IQSEC1: variants seen among roughly 807,000 people sequenced by gnomAD.
IQSEC1 encodes IQ motif and Sec7 domain ArfGEF 1.
IQSEC1 carries 31 observed loss-of-function variants against 91.0 expected under a neutral mutation model. The ratio of observed to expected loss-of-function variants is 0.34; its 90% CI spans 0.26 to 0.46. The LOEUF is 0.46. Among genes scored for constraint, IQSEC1 ranks in the 20% least tolerant of loss-of-function variants. The pLI, the probability that IQSEC1 is intolerant of heterozygous loss-of-function variation, is 1.00. For synonymous variants in IQSEC1, 699 were observed against 662.6 expected (o/e 1.05, Z -0.84); for missense variants, 1,388 against 1,575.6 (o/e 0.88, Z 2.02).
chr3:13,174,235 C>T (rs918347059), intron 1 of IQSEC1, among the ~76,000 whole-genome samples: 3 of 152,162 alleles, frequency 2.0e-5, no homozygotes, highest in East Asian at 1.9e-4. Flanking sequence ...ATACTGGGAG[C>T]GCAGCCACTG....
intron 2 of IQSEC1, among the ~76,000 whole-genome samples, chr3:13,105,595 T>C (rs564853443): frequency 8.6e-5 from 13 of 151,876 alleles, no homozygotes; most frequent in African/African-American, 2.9e-4. Flanking sequence ...ACACACACAC[T>C]CTCCTTCCCT....
At chr3:13,205,740 A>ACCCATCCATCTCCCCTCCACCT (rs1694332292) in intron 1 of IQSEC1, among the ~76,000 whole-genome samples, 2 of 139,506 alleles carry the variant, frequency 1.4e-5, no homozygotes, top group African/African-American at 5.5e-5. Context: ...CCCTTCATCC[A>ACCCATCCATCTCCCCTCCACCT]CCCATCCATC....
intron 1 of IQSEC1, among the ~76,000 whole-genome samples, chr3:13,272,760 T>G (rs1695611088): frequency 6.6e-6 from 1 of 152,222 alleles, no homozygotes; most frequent in African/African-American, 2.4e-5. Flanking sequence ...GCTCCTCCTT[T>G]TTTGTCGGGG....
In IQSEC1 at chr3:12,901,215, G is replaced by A. The variant is rs1238929831; in HGVS notation, c.3113C>T (p.Pro1038Leu). The change falls in exon 14 of 14, where the codon CCC becomes CTC. Residue 1038 changes from proline (P) to leucine (L), a missense_variant. Pro to Leu is a moderately conservative substitution (Grantham distance 98, BLOSUM62 -3). Coordinates refer to ENST00000613206, the MANE Select transcript of IQSEC1 (RefSeq NM_001134382.3). The part of the protein sequence containing the change: ...HTQYCHMQNP[P>L]PYHHHHHHHP... ...GTGGTGGTGGTGATGGTGGTACGGG[G>A]GAGGGTTCTGCATGTGGCAGTACTG... The A allele has an allele frequency of 5.2e-6, 8 of 1,547,530 alleles. No homozygotes were observed. The highest frequency in any genetic ancestry group is 7.0e-6 in the Non-Finnish European group (8 of 1,145,736).
At chr3:13,168,714 C>T (rs1001178390) in intron 1 of IQSEC1, among the ~76,000 whole-genome samples, 5 of 152,176 alleles carry the variant, frequency 3.3e-5, no homozygotes, top group South Asian at 2.1e-4. Context: ...ATTGCTGTTC[C>T]GTCTTCCTGG....
At chr3:12,912,143 G>A (rs947102063) in intron 9 of IQSEC1, among the ~76,000 whole-genome samples, 1 of 152,220 alleles carries the variant, frequency 6.6e-6, no homozygotes, top group African/African-American at 2.4e-5. Context: ...GCCTGGTGAT[G>A]GCCTGCAGGG....
intron 2 of IQSEC1, among the ~76,000 whole-genome samples, chr3:13,143,945 G>A (rs531170920): frequency 8.7e-4 from 133 of 152,234 alleles, no homozygotes; most frequent in Middle Eastern, 3.4e-3. Flanking sequence ...TTCTGTCCCC[G>A]GTAGAGGGTT....
intron 2 of IQSEC1, among the ~76,000 whole-genome samples, chr3:13,128,179 T>C (rs1407690619): frequency 1.3e-5 from 2 of 152,260 alleles, no homozygotes; most frequent in African/African-American, 2.4e-5. Context: ...CTTACCGCTC[T>C]GTCTAGAAGT....
intron 1 of IQSEC1, among the ~76,000 whole-genome samples, chr3:13,212,498 C>T (rs1306544711): frequency 1.3e-5 from 2 of 152,178 alleles, no homozygotes; most frequent in Non-Finnish European, 2.9e-5. Flanking sequence ...AGGATGAATT[C>T]TGTAGGTTTT....
intron 1 of IQSEC1, among the ~76,000 whole-genome samples, chr3:13,030,191 A>C (rs1268650781): frequency 6.6e-6 from 1 of 152,182 alleles, no homozygotes; most frequent in Non-Finnish European, 1.5e-5. Context: ...TCCACCTGCC[A>C]GGTTCAAGCG....
At position 12,932,986 on chromosome 3, in the gene IQSEC1, C is replaced by G. The variant is rs371142801; in HGVS notation, c.1568+2462G>C. 9.6e-4 allele frequency among the ~76,000 whole-genome samples: 146 copies of G among 152,380 alleles called. 1 individual carries two copies. The highest frequency in any genetic ancestry group is 3.3e-3 in the African/African-American group (139 of 41,592). ...TCTTCCTCCCCGCTTGCTGCTGGCTCTCCCACTTTGGTACATGATTCCCTT... is the reference window on the plus strand; with the variant it reads ...TCTTCCTCCCCGCTTGCTGCTGGCTGTCCCACTTTGGTACATGATTCCCTT... On this transcript the variant is annotated intron_variant, in intron 3 of 13. Transcript: ENST00000613206.
At chr3:13,071,351 T>C (rs1020269039) in intron 1 of IQSEC1, among the ~76,000 whole-genome samples, 5 of 152,070 alleles carry the variant, frequency 3.3e-5, no homozygotes, top group Admixed American at 6.6e-5. Flanking sequence ...TTCTGAGCAT[T>C]GGAGGCAAGC....
intron 1 of IQSEC1, among the ~76,000 whole-genome samples, chr3:13,239,627 C>G (rs1179620691): frequency 5.3e-5 from 8 of 152,234 alleles, no homozygotes; most frequent in Non-Finnish European, 1.0e-4. Context: ...GGGAGGCCCC[C>G]CAAGCAGCAC....
At chr3:13,014,048 T>C (rs1314505029) in intron 1 of IQSEC1, among the ~76,000 whole-genome samples, 1 of 152,164 alleles carries the variant, frequency 6.6e-6, no homozygotes, top group Non-Finnish European at 1.5e-5. Context: ...CTCCCCAGCT[T>C]GAGCCCTGGC....
At chr3:13,183,998 G>C (rs1485997932) in intron 1 of IQSEC1, among the ~76,000 whole-genome samples, 2 of 152,194 alleles carry the variant, frequency 1.3e-5, no homozygotes, top group Non-Finnish European at 2.9e-5. Context: ...ATCTATTCAA[G>C]AAATAGAATT....
intron 1 of IQSEC1, among the ~76,000 whole-genome samples, chr3:12,973,091 C>T (rs922029523): frequency 6.6e-6 from 1 of 152,192 alleles, no homozygotes; most frequent in African/African-American, 2.4e-5. Context: ...ACGGAATGAA[C>T]TAGGGATTGC....
chr3:13,128,371 T>C (rs762183501), intron 2 of IQSEC1, among the ~76,000 whole-genome samples: 4 of 152,208 alleles, frequency 2.6e-5, no homozygotes, highest in Admixed American at 6.5e-5. Context: ...CTGAGAGTTT[T>C]CTTAATCATG....
At chr3:13,078,039 G>A (rs1028183373), upstream of IQSEC1, among the ~76,000 whole-genome samples, 5 of 152,210 alleles carry the variant, frequency 3.3e-5, no homozygotes, top group Non-Finnish European at 5.9e-5. Context: ...TGCTGGGGCC[G>A]CGGATGAGTG....
chr3:13,199,359 G>A (rs1050517637), intron 1 of IQSEC1, among the ~76,000 whole-genome samples: 1 of 152,182 alleles, frequency 6.6e-6, no homozygotes, highest in Non-Finnish European at 1.5e-5. Context: ...GAAAATGGGC[G>A]TGGGCCAAAC....
Sources: allele counts gnomAD v4.1 joint callset (sites outside exome capture counted in the v4.1 genomes callset), GRCh38; gene constraint gnomAD v4.1.1; transcripts MANE v1.5; gene names NCBI Gene and HGNC (gene_info 2026-07-23, HGNC 2026-07-21).